TTC17: variants seen among roughly 807,000 people sequenced by gnomAD.
TTC17 encodes tetratricopeptide repeat domain 17.
Under a neutral mutation model 143.8 loss-of-function variants are expected in TTC17, and 58 were observed. The ratio of observed to expected loss-of-function variants is 0.40; its 90% CI spans 0.33 to 0.50. The LOEUF is 0.50. TTC17 is among the 20% of genes least tolerant of loss of function. The pLI is 0.49. For missense variants in TTC17, 1,273 were observed against 1,392.5 expected (o/e 0.91, Z 1.37); for synonymous variants, 501 against 497.8 (o/e 1.01, Z -0.09).
At chr11:43,425,341 T>TA (rs1947001968) in intron 16 of TTC17, among the ~76,000 whole-genome samples, 1 of 152,170 alleles carries the variant, frequency 6.6e-6, no homozygotes, top group South Asian at 2.1e-4. Context: ...AATTTTTTTT[T>TA]AATTATTCTA....
In TTC17 at chr11:43,397,402, T is replaced by C; in HGVS notation, c.829T>C (p.Phe277Leu). 6.2e-7 allele frequency: 1 copy of C among 1,613,300 alleles called. No homozygotes were observed. Among genetic ancestry groups the C allele is most frequent in the Non-Finnish European group, 8.5e-7 (1 of 1,180,008 alleles). Reference sequence around the variant, plus strand: ...GGCAAACGTTCTACACAGAGCACACTTCTCTGCTGATGCTGCTGTCGTGGT... The same window carrying C: ...GGCAAACGTTCTACACAGAGCACACCTCTCTGCTGATGCTGCTGTCGTGGT... ...NLANVLHRAH[F>L]SADAAVVVHA... The change falls in exon 7 of 24, where the codon TTC (phenylalanine) becomes CTC (leucine). Residue 277 changes from phenylalanine to leucine, a missense_variant. Physicochemically the swap from Phe to Leu is conservative, Grantham distance 22. Coordinates refer to ENST00000039989, the MANE Select transcript of TTC17 (RefSeq NM_018259.6).
chr11:43,461,211 C>T (rs1428944665), intron 21 of TTC17, among the ~76,000 whole-genome samples: 1 of 151,838 alleles, frequency 6.6e-6, no homozygotes, highest in East Asian at 1.9e-4. Flanking sequence ...GGTGAAACCC[C>T]GCCTCTACTA....
intron 16 of TTC17, chr11:43,436,266 G>A (rs552200328): frequency 6.9e-7 from 1 of 1,448,528 alleles, no homozygotes; most frequent in Non-Finnish European, 9.1e-7. Context: ...TCTGAGAGAG[G>A]AACAGAGGAG....
Position 43,404,050 on chromosome 11 carries a change from A to T in TTC17, c.1385A>T (p.Gln462Leu), listed in dbSNP as rs780804809. 6.2e-7 allele frequency: 1 copy of T among 1,612,774 alleles called. No homozygotes were observed. Among genetic ancestry groups the T allele is most frequent in the South Asian group, 1.1e-5 (1 of 90,900 alleles). ...ATGATGTCTGTGAACTTTGATGTTC[A>T]ATCAAATCAGAGTGATATCAATGAT... Reference protein sequence around the residue: ...SSMMSVNFDVQSNQSDINDSV... With the variant: ...SSMMSVNFDVLSNQSDINDSV... The change falls in exon 11 of 24, where the codon CAA becomes CTA. Residue 462 changes from glutamine (Q) to leucine (L), a missense_variant. Physicochemically the swap from Gln to Leu is moderately radical, Grantham distance 113. Around this residue, in one of 3 missense-constraint regions of TTC17, gnomAD observed 878 missense variants for 899.8 expected, o/e 0.98. Coordinates refer to ENST00000039989, the MANE Select transcript of TTC17 (RefSeq NM_018259.6).
intron 21 of TTC17, among the ~76,000 whole-genome samples, chr11:43,453,375 GA>G (rs974408424): frequency 9.0e-5 from 13 of 145,052 alleles, no homozygotes; most frequent in Non-Finnish European, 1.2e-4. Flanking sequence ...CATCTTGGAA[GA>G]AAAAAAAAAG....
At chr11:43,365,491 TCTC>T (rs1389030525) in intron 1 of TTC17, among the ~76,000 whole-genome samples, 2 of 151,700 alleles carry the variant, frequency 1.3e-5, no homozygotes, top group African/African-American at 4.8e-5. Flanking sequence ...CTGATCTTGA[TCTC>T]CTGAGCTGAA....
At chr11:43,433,757 CAG>C (rs1184228341) in intron 16 of TTC17, among the ~76,000 whole-genome samples, 3 of 152,182 alleles carry the variant, frequency 2.0e-5, no homozygotes, top group East Asian at 3.9e-4. Context: ...TCAGAAAACA[CAG>C]AGTTTCACTG....
chr11:43,363,641 G>A (rs909783931), intron 1 of TTC17, among the ~76,000 whole-genome samples: 1 of 152,152 alleles, frequency 6.6e-6, no homozygotes, highest in Non-Finnish European at 1.5e-5. Flanking sequence ...TAGAACTGTG[G>A]ACTTTCAGAT....
rs912181169 is a variant in TTC17, at chr11:43,443,672, A to G, written c.2511+88A>G. Reference sequence around the variant, plus strand: ...GCAAAGTGGGAAGTTTCTGTTGGATATGTGGCACTACTTGGCTATGCACTC... The same window carrying G: ...GCAAAGTGGGAAGTTTCTGTTGGATGTGTGGCACTACTTGGCTATGCACTC... On this transcript the variant is annotated intron_variant, in intron 17 of 23. Transcript: ENST00000039989. 2.1e-5 allele frequency: 32 copies of G among 1,493,944 alleles called. No homozygotes were observed. The East Asian group carries it at 4.5e-4, about 21-fold the overall frequency. 92.5% of individuals were successfully genotyped at this position (1,493,944 alleles called of 1,614,324 possible).
intron 16 of TTC17, among the ~76,000 whole-genome samples, chr11:43,416,087 A>G (rs1232320743): frequency 6.6e-6 from 1 of 152,154 alleles, no homozygotes; most frequent in Admixed American, 6.5e-5. Flanking sequence ...ATTCATAGTG[A>G]ATACAAGGTG....
chr11:43,428,709 G>A (rs997959902), intron 16 of TTC17, among the ~76,000 whole-genome samples: 1 of 152,240 alleles, frequency 6.6e-6, no homozygotes, highest in Non-Finnish European at 1.5e-5. Flanking sequence ...AGTTTCAGGT[G>A]TGACCATGTG....
At chr11:43,372,838 A>G (rs1311444945) in intron 1 of TTC17, among the ~76,000 whole-genome samples, 3 of 152,160 alleles carry the variant, frequency 2.0e-5, no homozygotes, top group Non-Finnish European at 4.4e-5. Context: ...AAAAAGGGAG[A>G]ATAACCAAAA....
At chr11:43,392,391 T>G (rs1857425359) in intron 5 of TTC17, among the ~76,000 whole-genome samples, 1 of 152,090 alleles carries the variant, frequency 6.6e-6, no homozygotes, top group African/African-American at 2.4e-5. Context: ...TTAAAAAAAA[T>G]GAAATAGGGA....
intron 19 of TTC17, 119 bp downstream of exon 19, chr11:43,448,241 C>A: frequency 7.1e-7 from 1 of 1,411,988 alleles, no homozygotes; most frequent in Non-Finnish European, 9.5e-7. Context: ...GCTGAATTTT[C>A]AAAGGATGAC....
intron 2 of TTC17, among the ~76,000 whole-genome samples, chr11:43,388,201 A>T: frequency 6.6e-6 from 1 of 152,216 alleles, no homozygotes; most frequent in Admixed American, 6.5e-5. Flanking sequence ...AGGAAAATGG[A>T]TAAATACATA....
At chr11:43,381,804 A>C (rs1029056954) in intron 2 of TTC17, among the ~76,000 whole-genome samples, 2 of 152,188 alleles carry the variant, frequency 1.3e-5, no homozygotes, top group African/African-American at 4.8e-5. Context: ...GGGATGAGAC[A>C]GAGGGCATGA....
At chr11:43,475,960 G>A (rs945141097) in intron 21 of TTC17, among the ~76,000 whole-genome samples, 1 of 152,204 alleles carries the variant, frequency 6.6e-6, no homozygotes, top group African/African-American at 2.4e-5. Flanking sequence ...GTTAACACCT[G>A]TGGTCCTGAA....
At chr11:43,465,058 A>G (rs1254886723) in intron 21 of TTC17, among the ~76,000 whole-genome samples, 1 of 152,226 alleles carries the variant, frequency 6.6e-6, no homozygotes, top group African/African-American at 2.4e-5. Context: ...TTTCATTTGG[A>G]AAGTCTGGAG....
chr11:43,441,605 C>T (rs1383355728), intron 16 of TTC17, among the ~76,000 whole-genome samples: 1 of 152,042 alleles, frequency 6.6e-6, no homozygotes, highest in Non-Finnish European at 1.5e-5. Flanking sequence ...TCAGAGCACA[C>T]TTATAATCTA....
Sources: allele counts gnomAD v4.1 joint callset (sites outside exome capture counted in the v4.1 genomes callset), GRCh38; gene constraint gnomAD v4.1.1; regional missense constraint gnomAD v4.1.1; transcripts MANE v1.5; gene names NCBI Gene and HGNC (gene_info 2026-07-23, HGNC 2026-07-21).